Variants in NKAIN4 observed in about 807,000 individuals in gnomAD.
NKAIN4 encodes sodium/potassium-transporting ATPase subunit beta-1-interacting protein 4.
NKAIN4 carries 28 observed loss-of-function variants against 28.8 expected under a neutral mutation model. That is an observed-to-expected ratio of 0.97 (90% CI 0.72 to 1.33). The LOEUF is 1.33. Among genes scored for constraint, NKAIN4 ranks in the 40% most tolerant of loss-of-function variants. The pLI, the probability that NKAIN4 is intolerant of heterozygous loss-of-function variation, is 0.00. For missense variants in NKAIN4, 289 were observed against 277.2 expected (o/e 1.04, Z -0.30); for synonymous variants, 122 against 115.6 (o/e 1.06, Z -0.36).
At chr20:63,249,173 C>G in intron 2 of NKAIN4, 1 of 458,372 alleles carries the variant, frequency 2.2e-6, no homozygotes, top group East Asian at 4.4e-5. Context: ...GACACAGCAT[C>G]CCTGGCTGAG....
At chr20:63,249,383 G>C (rs2066917739) in intron 2 of NKAIN4, 1 of 196,474 alleles carries the variant, frequency 5.1e-6, no homozygotes, top group Non-Finnish European at 1.1e-5. Context: ...GGACTGCACG[G>C]GCCACAGCAC....
rs1601287661 is a variant in NKAIN4 at position 63,247,647 on chromosome 20, T to G, written c.402A>C (p.Ser134=). The change falls in exon 4 of 7, where the codon TCA becomes TCC. Residue 134 remains serine, a synonymous_variant. Coordinates refer to ENST00000370316, the MANE Select transcript of NKAIN4 (RefSeq NM_152864.4). ...LGAPHGQALV[S]GAGCALEPSY... ...TGGGCTCCAGGGCACAGCCAGCACC[T>G]GACACCAGGGCCTGGCCATGGGGGG... is the stretch of plus-strand genomic sequence containing the variant. 1 of 1,547,706 alleles carries G rather than the reference T, an allele frequency of 6.5e-7. No individual in the cohort carries two copies. The highest frequency in any genetic ancestry group is 8.7e-7 in the Non-Finnish European group (1 of 1,145,492).
Position 63,245,582 on chromosome 20 carries a change from C to G in NKAIN4, c.472-1498G>C, listed in dbSNP as rs555945643. 5.3e-5 allele frequency among the ~76,000 whole-genome samples: 8 copies of G among 152,072 alleles called. No individual in the cohort carries two copies. The South Asian group carries it at 1.7e-3, about 32-fold the overall frequency. On this transcript the variant is annotated intron_variant, in intron 4 of 6. Transcript: ENST00000370316. This position sits in a 1 kb window ranked among gnomAD's most constrained non-coding sequence, Gnocchi z 4.7. ...CTCCCCTCTCCCTGCTGCATGGAGG[C>G]CTGGGATCTGCAGGCCCCGCACCCC...
intron 4 of NKAIN4, chr20:63,246,875 C>A: frequency 1.0e-6 from 1 of 985,278 alleles, no homozygotes; most frequent in Non-Finnish European, 1.2e-6. Context: ...CTGAGGCACA[C>A]GGAGGTTGTT....
rs1028106377 is a variant in NKAIN4 at position 63,246,518 on chromosome 20, C to T, written c.471+1060G>A. 13 of 985,312 alleles carry T rather than the reference C, an allele frequency of 1.3e-5. No homozygotes were observed. In the Admixed American group the frequency reaches 7.4e-4, roughly 56 times the overall value. The allele number at this position is 985,312 out of a possible 1,614,324, so 61.0% of individuals were successfully genotyped here. The stretch of plus-strand genomic sequence containing the variant: ...GAAGGAGCCCCGGGAGCTCACGAGG[C>T]CACCCGCACCGTCACGTGTGCTCAG... On this transcript the variant is annotated intron_variant, in intron 4 of 6. Transcript: ENST00000370316.
At chr20:63,254,272 C>A in intron 1 of NKAIN4, 125 bp downstream of exon 1, 1 of 740,286 alleles carries the variant, frequency 1.4e-6, no homozygotes, top group South Asian at 3.1e-5. Flanking sequence ...CGAGGCATCC[C>A]CCCTCGGAGC....
intron 1 of NKAIN4, chr20:63,254,036 CG>C (rs1418631569): frequency 4.4e-5 from 11 of 249,664 alleles, no homozygotes; most frequent in South Asian, 1.2e-4. Context: ...GGCGCGCACC[CG>C]GGGGCGCACC....
At chr20:63,249,175 C>T (rs924491007) in intron 2 of NKAIN4, 5 of 452,140 alleles carry the variant, frequency 1.1e-5, no homozygotes, top group Non-Finnish European at 2.1e-5. Context: ...CACAGCATCC[C>T]TGGCTGAGCT....
chr20:63,249,868 C>CA (rs1794630327), intron 2 of NKAIN4, 67 bp downstream of exon 2: 2 of 1,516,040 alleles, frequency 1.3e-6, no homozygotes, highest in Non-Finnish European at 1.8e-6. Flanking sequence ...AGGATGGTGC[C>CA]ATGGGAGCCG....
intron 1 of NKAIN4, among the ~76,000 whole-genome samples, chr20:63,250,547 G>A (rs892847701): frequency 5.5e-5 from 8 of 145,896 alleles, no homozygotes; most frequent in African/African-American, 1.5e-4. Context: ...ACTGGACGCC[G>A]AGGCCCCAGC....
At chr20:63,253,227 C>T (rs1384048488) in intron 1 of NKAIN4, 2 of 985,350 alleles carry the variant, frequency 2.0e-6, no homozygotes, top group African/African-American at 3.5e-5. Context: ...CTGAAAGATA[C>T]CAACTGTTCC....
At position 63,253,335 on chromosome 20, in the gene NKAIN4, T is replaced by G. The variant is rs112820553; in HGVS notation, c.54+1062A>C. ...TCCCAGGAAAGCGCCGGAAGCTCCTTCCTTCCTGCAGGAAGGACACGATGC... is the reference window on the plus strand; with the variant it reads ...TCCCAGGAAAGCGCCGGAAGCTCCTGCCTTCCTGCAGGAAGGACACGATGC... On this transcript the variant is annotated intron_variant, in intron 1 of 6. Transcript: ENST00000370316. 3 of 985,294 alleles carry G rather than the reference T, an allele frequency of 3.0e-6. No individual in the cohort carries two copies. The African/African-American group carries it at 5.2e-5, about 17-fold the overall frequency. 61.0% of individuals were successfully genotyped at this position (985,294 alleles called of 1,614,324 possible). A position where few individuals can be genotyped will look rare whatever the true frequency, so the allele number is the denominator to read the frequency against.
chr20:63,247,531 C>T (rs2066880957), intron 4 of NKAIN4, 47 bp downstream of exon 4: 2 of 1,546,750 alleles, frequency 1.3e-6, no homozygotes, highest in Non-Finnish European at 1.7e-6. Flanking sequence ...CATGTCCCCT[C>T]CCCCATCAAC....
chr20:63,254,225 C>T (rs2033950765), intron 1 of NKAIN4, 172 bp downstream of exon 1: 2 of 514,004 alleles, frequency 3.9e-6, no homozygotes, highest in Non-Finnish European at 6.2e-6. Flanking sequence ...CCACGCCCCG[C>T]AGGCGACGCC....
At position 63,241,204 on chromosome 20, in the gene NKAIN4, C is replaced by T. The variant is rs1319385533; in HGVS notation, c.*293G>A. 1 of 410,980 alleles carries T rather than the reference C, an allele frequency of 2.4e-6. No homozygotes were observed. The highest frequency in any genetic ancestry group is 4.2e-5 in the Admixed American group (1 of 23,554). The allele number at this position is 410,980 out of a possible 1,614,324, so 25.5% of individuals were successfully genotyped here. ...AGCCTGGGGGCAGAGCTGTGACCCC[C>T]ATGTTGCCAGAGGAGGTGGGCATGT... On this transcript the variant is annotated 3_prime_UTR_variant, in exon 7 of 7. Transcript: ENST00000370316.
At position 63,240,995 on chromosome 20, in the gene NKAIN4, GT is replaced by G. The variant is rs1218715545; in HGVS notation, c.*501del. On this transcript the variant is annotated 3_prime_UTR_variant, in exon 7 of 7. Transcript: ENST00000370316. Reference sequence around the variant, plus strand: ...GCCTCAGCTCCTGGGTGGGGTGGGGGTTCTTCTGGCACGAGTTTGGGGTTAG... The same window carrying G: ...GCCTCAGCTCCTGGGTGGGGTGGGGGTCTTCTGGCACGAGTTTGGGGTTAG... The G allele has an allele frequency of 6.2e-6, 1 of 160,660 alleles. No individual in the cohort carries two copies. Among genetic ancestry groups the G allele is most frequent in the Non-Finnish European group, 1.4e-5 (1 of 73,106 alleles). The allele number at this position is 160,660 out of a possible 1,614,324, so 10.0% of individuals were successfully genotyped here. A position where few individuals can be genotyped will look rare whatever the true frequency, so the allele number is the denominator to read the frequency against.
In NKAIN4 at chr20:63,241,336, G is replaced by T. The variant is rs1015404054; in HGVS notation, c.*161C>A. 4.6e-6 allele frequency: 3 copies of T among 653,204 alleles called. No individual in the cohort carries two copies. Among genetic ancestry groups the T allele is most frequent in the African/African-American group, 1.8e-5 (1 of 54,502 alleles). 40.5% of individuals were successfully genotyped at this position (653,204 alleles called of 1,614,324 possible). A position where few individuals can be genotyped will look rare whatever the true frequency, so the allele number is the denominator to read the frequency against. ...CAGCCAGCCGTGGCACTGCCCTGCC[G>T]CCCTGGCTGGTGTCCAGTACTTAGA... On this transcript the variant is annotated 3_prime_UTR_variant, in exon 7 of 7. Transcript: ENST00000370316.
chr20:63,249,276 G>A (rs2066915940), intron 2 of NKAIN4: 1 of 243,426 alleles, frequency 4.1e-6, no homozygotes, highest in South Asian at 5.6e-5. Context: ...ACCCCCAAGA[G>A]AGCACCCCAA....
Position 63,241,407 on chromosome 20 carries a change from G to A in NKAIN4, c.*90C>T, listed in dbSNP as rs1291684990. On this transcript the variant is annotated 3_prime_UTR_variant, in exon 7 of 7. Transcript: ENST00000370316. ...GCCGCCTGGGGGGTGCTGGGTGGGG[G>A]CGCGTCCCAAGGCCTGGGAGCTCCT... The A allele has an allele frequency of 3.6e-6, 5 of 1,407,742 alleles. No homozygotes were observed. In the East Asian group the frequency reaches 7.5e-5, roughly 21 times the overall value. 87.2% of individuals were successfully genotyped at this position (1,407,742 alleles called of 1,614,324 possible). A position where few individuals can be genotyped will look rare whatever the true frequency, so the allele number is the denominator to read the frequency against.
Sources: gnomAD v4.1 joint callset for allele counts (sites outside exome capture counted in the v4.1 genomes callset) on GRCh38, gnomAD v4.1.1 for gene constraint, Gnocchi (gnomAD v3.1) non-coding constraint, MANE v1.5 for transcripts, NCBI Gene and HGNC (gene_info 2026-07-23, HGNC 2026-07-21) for gene names.